The following PIK3C2G variants were observed in gnomAD, a reference collection of about 807,000 sequenced individuals.
The protein encoded by PIK3C2G is phosphatidylinositol 3-kinase C2 domain-containing subunit gamma.
In PIK3C2G, 168 loss-of-function variants were observed where a neutral mutation model predicts 181.1. That is an observed-to-expected ratio of 0.93 (90% CI 0.82 to 1.05). PIK3C2G has a LOEUF of 1.05. PIK3C2G is among the 50% of genes least tolerant of loss of function. PIK3C2G has a pLI of 0.00. For synonymous variants in PIK3C2G, 573 were observed against 592.2 expected, an observed-to-expected ratio of 0.97 and a Z score of 0.47; for missense variants, 1,869 against 1,732.8, an observed-to-expected ratio of 1.08 and a Z score of -1.40.
chr12:18,384,764 T>C (rs935923833), intron 14 of PIK3C2G, among the ~76,000 whole-genome samples: 3 of 152,188 alleles, frequency 2.0e-5, no homozygotes, highest in Non-Finnish European at 2.9e-5. Flanking sequence ...ATAATAGAAT[T>C]CATCTTAGAA....
Position 18,503,313 on chromosome 12 carries a change from C to T in PIK3C2G, c.3049C>T (p.Leu1017=). ...LVQMVPDAVT[L]AKIHRHSGLI... ...GCAGATGGTACCTGATGCTGTGACC[C>T]TAGCAAAGATTCATCGCCATTCTGG... The change falls in exon 23 of 33, where the codon CTA becomes TTA. Residue 1017 remains leucine, a synonymous_variant. Coordinates refer to ENST00000538779, the MANE Select transcript of PIK3C2G (RefSeq NM_001288772.2). 6.2e-7 allele frequency: 1 copy of T among 1,611,184 alleles called. No individual in the cohort carries two copies. The highest frequency in any genetic ancestry group is 1.1e-5 in the South Asian group (1 of 90,660).
chr12:18,280,847 T>C (rs941333734), intron 1 of PIK3C2G, among the ~76,000 whole-genome samples: 1 of 142,646 alleles, frequency 7.0e-6, no homozygotes, highest in African/African-American at 2.5e-5. Flanking sequence ...ACAATTATGG[T>C]AGTGATAGAC....
At chr12:18,462,119 G>A (rs537002906) in intron 18 of PIK3C2G, among the ~76,000 whole-genome samples, 78 of 152,222 alleles carry the variant, frequency 5.1e-4, no homozygotes, top group Non-Finnish European at 9.3e-4. Flanking sequence ...AGTAACATAC[G>A]GACAGGTCCA....
chr12:18,287,714 A>G (rs1186503921), intron 3 of PIK3C2G, among the ~76,000 whole-genome samples: 1 of 147,020 alleles, frequency 6.8e-6, no homozygotes, highest in Non-Finnish European at 1.5e-5. Flanking sequence ...AAGAAAAAAA[A>G]ATTGCTGGGT....
intron 14 of PIK3C2G, among the ~76,000 whole-genome samples, chr12:18,388,239 C>A (rs1418954502): frequency 6.6e-6 from 1 of 151,986 alleles, no homozygotes; most frequent in Non-Finnish European, 1.5e-5. Flanking sequence ...TGCAATAGAA[C>A]TCATGGTCTA....
intron 18 of PIK3C2G, among the ~76,000 whole-genome samples, chr12:18,438,783 C>A (rs1310838510): frequency 2.0e-5 from 3 of 151,844 alleles, no homozygotes; most frequent in African/African-American, 7.2e-5. Context: ...ACTCAGGCCT[C>A]TCCTAAGCTG....
chr12:18,693,144 G>T, the PIK3C2G span: 11 of 1,516,252 alleles, frequency 7.3e-6, no homozygotes, highest in East Asian at 2.5e-4. Flanking sequence ...TCATGCCATC[G>T]TGTCTACATC....
intron 30 of PIK3C2G, among the ~76,000 whole-genome samples, chr12:18,606,506 A>G (rs1948028990): frequency 6.6e-6 from 1 of 152,026 alleles, no homozygotes; most frequent in Admixed American, 6.6e-5. Context: ...ATTATAAGTG[A>G]TTTTTTCTTA....
At chr12:18,494,911 C>T (rs563420257) in intron 20 of PIK3C2G, among the ~76,000 whole-genome samples, 1 of 151,388 alleles carries the variant, frequency 6.6e-6, no homozygotes, top group South Asian at 2.1e-4. Context: ...CAAATCTAAC[C>T]CAATTTCTAA....
chr12:18,709,646 C>T, the PIK3C2G span, among the ~76,000 whole-genome samples: 2 of 152,002 alleles, frequency 1.3e-5, no homozygotes. Context: ...CTTTGGAAGG[C>T]CAAGATGAGA....
At chr12:18,249,472 T>TGGA (rs1297753285) in intron 1 of PIK3C2G, among the ~76,000 whole-genome samples, 1 of 152,194 alleles carries the variant, frequency 6.6e-6, no homozygotes, top group African/African-American at 2.4e-5. Context: ...TTCATCCTAC[T>TGGA]CATGGTCCTC....
chr12:18,261,736 CAG>C (rs1948243472), intron 1 of PIK3C2G, among the ~76,000 whole-genome samples, 159 bp downstream of exon 1: 1 of 152,052 alleles, frequency 6.6e-6, no homozygotes. Context: ...TATTTTGAAA[CAG>C]AGATATCCAG....
chr12:18,572,856 T>C (rs554619664), intron 29 of PIK3C2G, among the ~76,000 whole-genome samples: 1 of 152,306 alleles, frequency 6.6e-6, no homozygotes, highest in South Asian at 2.1e-4. Flanking sequence ...CTTTTATCTG[T>C]GTTTAATATG....
In PIK3C2G at chr12:18,294,745, A is replaced by G. The variant is rs375098146; in HGVS notation, c.1034+730A>G. On this transcript the variant is annotated intron_variant, in intron 5 of 32. Transcript: ENST00000538779. ...GTATTGCATAGTTATTCTAAACAGT[A>G]AAGTATTAAAGACTAAAACGTTTAA... Among the ~76,000 whole-genome samples, 10 of 152,164 alleles carry G rather than the reference A, an allele frequency of 6.6e-5. No homozygotes were observed. In the East Asian group the frequency reaches 1.9e-3, roughly 29 times the overall value.
intron 16 of PIK3C2G, among the ~76,000 whole-genome samples, chr12:18,417,273 T>C (rs1044285392): frequency 6.6e-6 from 1 of 152,138 alleles, no homozygotes; most frequent in Non-Finnish European, 1.5e-5. Context: ...TGAGATAGAA[T>C]TTACTCCTGG....
intron 24 of PIK3C2G, among the ~76,000 whole-genome samples, chr12:18,506,860 G>A (rs1294812562): frequency 6.6e-6 from 1 of 151,928 alleles, no homozygotes; most frequent in African/African-American, 2.4e-5. Flanking sequence ...TTTCTTACAA[G>A]ATAATGTGAT....
intron 18 of PIK3C2G, among the ~76,000 whole-genome samples, chr12:18,467,471 A>G (rs1004376590): frequency 6.7e-6 from 1 of 148,556 alleles, no homozygotes; most frequent in African/African-American, 2.5e-5. Context: ...TTGTTTTACA[A>G]AATTTTATTT....
the PIK3C2G span, among the ~76,000 whole-genome samples, chr12:18,676,983 T>C: frequency 1.3e-5 from 2 of 152,144 alleles, no homozygotes; most frequent in African/African-American, 4.8e-5. Context: ...CAAACAACTT[T>C]GTTGCTTACT....
intron 18 of PIK3C2G, among the ~76,000 whole-genome samples, chr12:18,454,535 G>A (rs921372757): frequency 4.6e-5 from 7 of 152,126 alleles, no homozygotes; most frequent in African/African-American, 1.7e-4. Flanking sequence ...ATCATGCAGG[G>A]TCTTGTGGTT....
Sources: gnomAD v4.1 joint callset for allele counts (sites outside exome capture counted in the v4.1 genomes callset) on GRCh38, gnomAD v4.1.1 for gene constraint, MANE v1.5 for transcripts, NCBI Gene and HGNC (gene_info 2026-07-23, HGNC 2026-07-21) for gene names.